Variants in ENTPD4 observed in about 807,000 individuals in gnomAD.
ENTPD4 encodes Golgi UDPase.
ENTPD4 carries 60 observed loss-of-function variants against 79.1 expected under a neutral mutation model. That is an observed-to-expected ratio of 0.76 (90% CI 0.62 to 0.94). ENTPD4 has a LOEUF of 0.94. Among genes scored for constraint, ENTPD4 ranks in the 40% least tolerant of loss-of-function variants. ENTPD4 has a pLI of 0.00. For missense variants in ENTPD4, 772 were observed against 775.1 expected (o/e 1.00, Z 0.05); for synonymous variants, 276 against 292.0 (o/e 0.95, Z 0.56).
intron 5 of ENTPD4, 83 bp downstream of exon 5, chr8:23,444,373 A>C: frequency 8.7e-7 from 1 of 1,144,370 alleles, no homozygotes; most frequent in South Asian, 1.4e-5. Context: ...GATGATGGAG[A>C]GGAGAAGGAG....
chr8:23,442,116 G>T, intron 6 of ENTPD4, 50 bp from the exon 7 acceptor site: 1 of 1,332,556 alleles, frequency 7.5e-7, no homozygotes, highest in South Asian at 1.2e-5. Flanking sequence ...AAAACATTTT[G>T]TGTAACTCCT....
intron 1 of ENTPD4, among the ~76,000 whole-genome samples, chr8:23,457,256 AG>A (rs1160453753): frequency 2.6e-5 from 4 of 151,872 alleles, no homozygotes; most frequent in South Asian, 2.1e-4. Flanking sequence ...CGCCCATTCG[AG>A]GGGGGGATCC....
intron 6 of ENTPD4, among the ~76,000 whole-genome samples, chr8:23,443,518 G>T (rs1010771050): frequency 2.0e-5 from 3 of 152,182 alleles, no homozygotes; most frequent in Admixed American, 6.5e-5. Context: ...AAGTCGAGAA[G>T]AAGCTCCAAC....
chr8:23,441,922 A>G, intron 7 of ENTPD4, 85 bp downstream of exon 7: 1 of 1,293,722 alleles, frequency 7.7e-7, no homozygotes, highest in African/African-American at 1.5e-5. Flanking sequence ...AGTGTCACAA[A>G]GCTTAGCTCT....
chr8:23,456,310 G>T lies in ENTPD4; in HGVS notation c.-98+1247C>A, dbSNP rs1488962611. Among the ~76,000 whole-genome samples, 6 of 152,116 alleles carry T rather than the reference G, an allele frequency of 3.9e-5. No homozygotes were observed. In the East Asian group the frequency reaches 5.8e-4, roughly 15 times the overall value. On this transcript the variant is annotated intron_variant, in intron 1 of 12. Transcript: ENST00000358689. ...ACAGCACTTCCTCCGAGCCACCACC[G>T]TGTCCTCCTCTCAAGACTACACTTC...
intron 4 of ENTPD4, among the ~76,000 whole-genome samples, chr8:23,444,892 C>G (rs1000487042): frequency 5.9e-5 from 9 of 152,176 alleles, no homozygotes; most frequent in East Asian, 1.9e-4. Flanking sequence ...CGTGCTCCCC[C>G]TCTCCTCAGG....
intron 11 of ENTPD4, chr8:23,434,689 A>C: frequency 7.1e-7 from 1 of 1,410,138 alleles, no homozygotes; most frequent in Non-Finnish European, 9.2e-7. Flanking sequence ...CACCTGTCAA[A>C]TCAATCAGTG....
At position 23,434,437 on chromosome 8, in the gene ENTPD4, T is replaced by C. The variant is rs748677929; in HGVS notation, c.1502A>G (p.His501Arg). The change falls in exon 12 of 13, where the codon CAT becomes CGT. Residue 501 changes from histidine to arginine, a missense_variant. Coordinates refer to ENST00000358689, the MANE Select transcript of ENTPD4 (RefSeq NM_004901.5). The part of the protein sequence containing the change: ...FKSAWMFEVF[H>R]RGFSFPVNYK... ...GTTGACAGGAAACGAAAAGCCCCTA[T>C]GAAACACCTCAAACATCCAGGCCGA... is the stretch of plus-strand genomic sequence containing the variant. 1.2e-6 allele frequency: 2 copies of C among 1,614,118 alleles called. No homozygotes were observed. Among genetic ancestry groups the C allele is most frequent in the Middle Eastern group, 1.6e-4 (1 of 6,062 alleles).
At chr8:23,437,286 G>C (rs1032951453) in intron 9 of ENTPD4, 28 bp from the exon 10 acceptor site, 1 of 1,515,716 alleles carries the variant, frequency 6.6e-7, no homozygotes, top group African/African-American at 1.4e-5. Context: ...ACTTCATCGT[G>C]AGTCCTACAG....
chr8:23,433,185 G>A (rs767329862), intron 12 of ENTPD4, 31 bp from the exon 13 acceptor site: 1 of 1,598,544 alleles, frequency 6.3e-7, no homozygotes, highest in African/African-American at 1.3e-5. Context: ...CAACAAACAG[G>A]ACAGTAAGCA....
chr8:23,429,238 G>A lies in ENTPD4; in HGVS notation c.*3688C>T, dbSNP rs1374067406. The A allele has an allele frequency of 3.0e-6, 3 of 985,310 alleles. No individual in the cohort carries two copies. Among genetic ancestry groups the A allele is most frequent in the African/African-American group, 3.5e-5 (2 of 57,228 alleles). The allele number at this position is 985,310 out of a possible 1,614,324, so 61.0% of individuals were successfully genotyped here. A position where few individuals can be genotyped will look rare whatever the true frequency, so the allele number is the denominator to read the frequency against. On this transcript the variant is annotated 3_prime_UTR_variant, in exon 13 of 13. Coordinates refer to ENST00000358689, the MANE Select transcript of ENTPD4 (RefSeq NM_004901.5). Reference sequence around the variant, plus strand: ...TGTAAGGCTGCCACATACAGCAAGTGACATGACACCAAAAGGACCTTCCGA... The same window carrying A: ...TGTAAGGCTGCCACATACAGCAAGTAACATGACACCAAAAGGACCTTCCGA...
At chr8:23,447,155 T>C (rs1447922229) in intron 4 of ENTPD4, among the ~76,000 whole-genome samples, 1 of 152,246 alleles carries the variant, frequency 6.6e-6, no homozygotes, top group Non-Finnish European at 1.5e-5. Flanking sequence ...CCTAAACTTT[T>C]ACATGTCACA....
Position 23,440,970 on chromosome 8 carries a change from A to T in ENTPD4, c.882+599T>A, listed in dbSNP as rs1162604560. ...CTTTGAGGGGAAAATCCAGAAAGCT[A>T]GGCTTTGGTGTTAATCTACAGCTGA... On this transcript the variant is annotated intron_variant, in intron 8 of 12. Transcript: ENST00000358689. Among the ~76,000 whole-genome samples the T allele has an allele frequency of 2.0e-5, 3 of 152,342 alleles. No homozygotes were observed. The East Asian group carries it at 5.8e-4, about 29-fold the overall frequency.
rs934940485 is a variant in ENTPD4 at position 23,431,885 on chromosome 8, A to C, written c.*1041T>G. The C allele has an allele frequency of 3.0e-6, 3 of 985,328 alleles. No individual in the cohort carries two copies. The highest frequency in any genetic ancestry group is 3.6e-6 in the Non-Finnish European group (3 of 829,932). 61.0% of individuals were successfully genotyped at this position (985,328 alleles called of 1,614,324 possible). Reference sequence around the variant, plus strand: ...ACTGAAATATGGAATAAGGAGCGTAATTACCTGCGGTCAGGAAAAGATAAC... The same window carrying C: ...ACTGAAATATGGAATAAGGAGCGTACTTACCTGCGGTCAGGAAAAGATAAC... On this transcript the variant is annotated 3_prime_UTR_variant, in exon 13 of 13. Coordinates refer to ENST00000358689, the MANE Select transcript of ENTPD4 (RefSeq NM_004901.5).
chr8:23,439,384 G>A (rs1210597138), intron 9 of ENTPD4, among the ~76,000 whole-genome samples: 3 of 152,154 alleles, frequency 2.0e-5, no homozygotes, highest in Non-Finnish European at 2.9e-5. Context: ...CACACTACCT[G>A]AGGCCTCCAG....
chr8:23,431,398 A>G lies in ENTPD4; in HGVS notation c.*1528T>C. The G allele has an allele frequency of 1.0e-6, 1 of 985,332 alleles. No individual in the cohort carries two copies. The highest frequency in any genetic ancestry group is 1.2e-6 in the Non-Finnish European group (1 of 829,902). 61.0% of individuals were successfully genotyped at this position (985,332 alleles called of 1,614,324 possible). A position where few individuals can be genotyped will look rare whatever the true frequency, so the allele number is the denominator to read the frequency against. On this transcript the variant is annotated 3_prime_UTR_variant, in exon 13 of 13. Transcript: ENST00000358689. ...CAGACACTCGCACAAAACAAACTCC[A>G]CCTAAAAAAACTGTACGAGAATTCC...
intron 1 of ENTPD4, among the ~76,000 whole-genome samples, chr8:23,451,786 T>G (rs920480688): frequency 6.6e-6 from 1 of 152,160 alleles, no homozygotes; most frequent in Non-Finnish European, 1.5e-5. Context: ...ATGGCTCACT[T>G]TTTCATTCCC....
chr8:23,456,505 C>T (rs1355744292), intron 1 of ENTPD4, among the ~76,000 whole-genome samples: 1 of 152,092 alleles, frequency 6.6e-6, no homozygotes, highest in Non-Finnish European at 1.5e-5. Context: ...TCATTTTTGT[C>T]TCCTTCCTAG....
chr8:23,440,338 T>C (rs1800646481), intron 8 of ENTPD4, among the ~76,000 whole-genome samples: 1 of 152,186 alleles, frequency 6.6e-6, no homozygotes, highest in East Asian at 1.9e-4. Flanking sequence ...TGGAGGAACA[T>C]GCTCATGCAC....
Sources: allele counts gnomAD v4.1 joint callset (sites outside exome capture counted in the v4.1 genomes callset), GRCh38; gene constraint gnomAD v4.1.1; transcripts MANE v1.5; gene names NCBI Gene and HGNC (gene_info 2026-07-23, HGNC 2026-07-21).